KANSL1: variants seen among roughly 807,000 people sequenced by gnomAD.
KANSL1 encodes MLL1/MLL complex subunit KANSL1.
KANSL1 carries 22 observed loss-of-function variants against 103.6 expected under a neutral mutation model. The ratio of observed to expected loss-of-function variants is 0.21; its 90% CI spans 0.15 to 0.30. KANSL1 has a LOEUF of 0.30. Among genes scored for constraint, KANSL1 ranks in the 10% least tolerant of loss-of-function variants. The probability of loss-of-function intolerance (pLI) is 1.00; values close to 1 mark genes in which losing one functional copy is unlikely to be tolerated. For synonymous variants in KANSL1, 600 were observed against 527.6 expected, an observed-to-expected ratio of 1.14 and a Z score of -1.88; for missense variants, 1,337 against 1,399.8, an observed-to-expected ratio of 0.96 and a Z score of 0.72.
chr17:46,184,427 C>T (rs2046924900), intron 1 of KANSL1, among the ~76,000 whole-genome samples: 2 of 152,206 alleles, frequency 1.3e-5, no homozygotes, highest in Non-Finnish European at 1.5e-5. Flanking sequence ...CTAGCGTCCA[C>T]TACCAAAATG....
At chr17:46,103,498 T>C (rs563360577) in intron 2 of KANSL1, among the ~76,000 whole-genome samples, 1 of 152,340 alleles carries the variant, frequency 6.6e-6, no homozygotes, top group South Asian at 2.1e-4. Context: ...ATGTTAAATA[T>C]CCAGTTACTG....
chr17:46,204,648 C>G (rs191122366), intron 1 of KANSL1, among the ~76,000 whole-genome samples: 3 of 152,332 alleles, frequency 2.0e-5, no homozygotes, highest in Admixed American at 2.0e-4. Flanking sequence ...ACATAGATAT[C>G]ACAAGACAAC....
chr17:46,204,890 A>T (rs529332968), intron 1 of KANSL1, among the ~76,000 whole-genome samples: 1 of 152,244 alleles, frequency 6.6e-6, no homozygotes, highest in Non-Finnish European at 1.5e-5. Context: ...AAAATCCAAC[A>T]TGCTTTCATG....
chr17:46,072,322 T>C (rs2078608768), intron 4 of KANSL1, among the ~76,000 whole-genome samples: 1 of 152,164 alleles, frequency 6.6e-6, no homozygotes, highest in Non-Finnish European at 1.5e-5. Flanking sequence ...CTTTATTCAA[T>C]TAATGCCATG....
chr17:46,142,021 TG>T (rs2044447130), intron 2 of KANSL1, among the ~76,000 whole-genome samples: 1 of 152,246 alleles, frequency 6.6e-6, no homozygotes, highest in Non-Finnish European at 1.5e-5. Context: ...CCCGAGCAGC[TG>T]GGATTACAGG....
chr17:46,170,521 T>C (rs181179767), intron 2 of KANSL1: 1 of 324,516 alleles, frequency 3.1e-6, no homozygotes, highest in African/African-American at 2.2e-5. Flanking sequence ...CATTAACTTA[T>C]CATGTCCTAT....
At chr17:46,185,250 C>T (rs1025833111) in intron 1 of KANSL1, among the ~76,000 whole-genome samples, 1 of 152,222 alleles carries the variant, frequency 6.6e-6, no homozygotes, top group Admixed American at 6.5e-5. Context: ...CTATGCTAAA[C>T]CCATCAGATG....
chr17:46,054,855 C>CTTTT (rs34563738), intron 6 of KANSL1, among the ~76,000 whole-genome samples: 1 of 142,908 alleles, frequency 7.0e-6, no homozygotes, highest in Non-Finnish European at 1.5e-5. Flanking sequence ...TTCAAAGTAA[C>CTTTT]TTTTTTTTTT....
chr17:46,061,824 G>C (rs2316952), intron 6 of KANSL1, among the ~76,000 whole-genome samples: 21,799 of 152,142 alleles, frequency 0.14, 2,127 homozygotes, highest in Non-Finnish European at 0.22. Context: ...GGGCGCGGTG[G>C]CTCACGCCTG....
intron 5 of KANSL1, 57 bp from the exon 6 acceptor site, chr17:46,066,789 A>C: frequency 7.9e-7 from 1 of 1,269,616 alleles, no homozygotes; most frequent in Non-Finnish European, 1.1e-6. Context: ...AAATAAATAA[A>C]CAACAAGAAA....
At chr17:46,100,010 T>G (rs1187795077) in intron 2 of KANSL1, among the ~76,000 whole-genome samples, 1 of 152,240 alleles carries the variant, frequency 6.6e-6, no homozygotes, top group East Asian at 1.9e-4. Context: ...TTGGTTTACA[T>G]AAGAAATATT....
At chr17:46,165,938 C>A (rs1385600561) in intron 2 of KANSL1, among the ~76,000 whole-genome samples, 1 of 152,080 alleles carries the variant, frequency 6.6e-6, no homozygotes, top group African/African-American at 2.4e-5. Flanking sequence ...GGGCTAGGCA[C>A]AGTGGCTCTC....
At chr17:46,143,421 G>A (rs1440103293) in intron 2 of KANSL1, among the ~76,000 whole-genome samples, 2 of 152,118 alleles carry the variant, frequency 1.3e-5, no homozygotes, top group Non-Finnish European at 2.9e-5. Flanking sequence ...TTGAACCCGC[G>A]AGACAGAGGT....
intron 10 of KANSL1, chr17:46,035,109 T>G (rs1413492044): frequency 6.6e-6 from 1 of 152,208 alleles, no homozygotes; most frequent in Non-Finnish European, 1.5e-5. Flanking sequence ...GTCTCTTGGA[T>G]GGAGGAAGAA....
chr17:46,077,007 T>G (rs1233922315), intron 4 of KANSL1, among the ~76,000 whole-genome samples: 1 of 152,152 alleles, frequency 6.6e-6, no homozygotes, highest in Non-Finnish European at 1.5e-5. Context: ...TTCCATGCCT[T>G]TAATTGCTTT....
chr17:46,102,670 T>C (rs1442070962), intron 2 of KANSL1, among the ~76,000 whole-genome samples: 1 of 152,168 alleles, frequency 6.6e-6, no homozygotes, highest in African/African-American at 2.4e-5. Context: ...ATTTGTGTAG[T>C]TTTGGTAGTT....
intron 2 of KANSL1, among the ~76,000 whole-genome samples, chr17:46,115,687 CAA>C (rs1221035737): frequency 1.3e-5 from 2 of 152,178 alleles, no homozygotes; most frequent in Non-Finnish European, 2.9e-5. Context: ...TGACTCTACT[CAA>C]AAAGTATGCT....
intron 2 of KANSL1, among the ~76,000 whole-genome samples, chr17:46,098,562 C>G (rs964463493): frequency 2.1e-4 from 32 of 152,190 alleles, no homozygotes; most frequent in African/African-American, 7.2e-4. Context: ...TCTTATGTCC[C>G]CTACACAGGT....
intron 7 of KANSL1, 194 bp downstream of exon 7, chr17:46,050,339 G>C: frequency 1.7e-6 from 1 of 591,092 alleles, no homozygotes; most frequent in East Asian, 2.8e-5. Flanking sequence ...ATATTAAGTT[G>C]CAACCTTTTA....
Sources: gnomAD v4.1 joint callset for allele counts (sites outside exome capture counted in the v4.1 genomes callset) on GRCh38, gnomAD v4.1.1 for gene constraint, MANE v1.5 for transcripts, NCBI Gene and HGNC (gene_info 2026-07-23, HGNC 2026-07-21) for gene names.